TMTC1: variants seen among roughly 807,000 people sequenced by gnomAD.
TMTC1 encodes the protein transmembrane O-mannosyltransferase targeting cadherins 1, also known as protein O-mannosyl-transferase TMTC1.
In TMTC1, 73 loss-of-function variants were observed where a neutral mutation model predicts 104.8. That is an observed-to-expected ratio of 0.70 (90% CI 0.58 to 0.85). The LOEUF is 0.85. Ranked by LOEUF, TMTC1 falls within the 40% of genes least tolerant of loss-of-function variation. The pLI is 0.00. For synonymous variants in TMTC1, 434 were observed against 428.7 expected (o/e 1.01, Z -0.15); for missense variants, 1,035 against 1,096.1 (o/e 0.94, Z 0.79).
intron 5 of TMTC1, among the ~76,000 whole-genome samples, chr12:29,730,007 C>G (rs570814438): frequency 7.8e-4 from 119 of 152,126 alleles, no homozygotes; most frequent in Non-Finnish European, 1.4e-3. Context: ...CAAGAGCCTG[C>G]TGATTACATA....
At chr12:29,635,234 C>T (rs963095703) in intron 5 of TMTC1, among the ~76,000 whole-genome samples, 13 of 151,788 alleles carry the variant, frequency 8.6e-5, no homozygotes, top group African/African-American at 2.7e-4. Flanking sequence ...CTTGGGCCTG[C>T]GACATTGTCA....
chr12:29,680,541 T>C (rs1036111471), intron 5 of TMTC1, among the ~76,000 whole-genome samples: 1 of 152,234 alleles, frequency 6.6e-6, no homozygotes, highest in Non-Finnish European at 1.5e-5. Flanking sequence ...CAGATGAAGA[T>C]AGAATGCCAA....
At chr12:29,764,386 A>G (rs1001130185) in intron 2 of TMTC1, among the ~76,000 whole-genome samples, 8 of 152,156 alleles carry the variant, frequency 5.3e-5, no homozygotes, top group African/African-American at 1.9e-4. Context: ...AGTTCCATTA[A>G]TGTCATAGCT....
At chr12:29,513,180 A>G (rs1206119749) in intron 16 of TMTC1, among the ~76,000 whole-genome samples, 1 of 152,176 alleles carries the variant, frequency 6.6e-6, no homozygotes, top group African/African-American at 2.4e-5. Context: ...TATGACCTTT[A>G]AGCCTGAGTT....
intron 6 of TMTC1, among the ~76,000 whole-genome samples, chr12:29,614,842 CAG>C (rs1946936477): frequency 6.6e-6 from 1 of 152,110 alleles, no homozygotes; most frequent in South Asian, 2.1e-4. Context: ...GACAAAGAAA[CAG>C]AGAACAAACT....
intron 5 of TMTC1, among the ~76,000 whole-genome samples, chr12:29,695,056 T>A (rs1179381156): frequency 6.6e-6 from 1 of 152,168 alleles, no homozygotes; most frequent in Non-Finnish European, 1.5e-5. Flanking sequence ...GCCCTAGGAA[T>A]CCCTCTTTGC....
At chr12:29,695,937 C>T (rs1470314124) in intron 5 of TMTC1, among the ~76,000 whole-genome samples, 4 of 151,266 alleles carry the variant, frequency 2.6e-5, no homozygotes, top group Non-Finnish European at 5.9e-5. Context: ...ATACAATTCA[C>T]TGAAGCATGA....
At chr12:29,588,220 G>C (rs536985653) in intron 7 of TMTC1, among the ~76,000 whole-genome samples, 3 of 152,304 alleles carry the variant, frequency 2.0e-5, no homozygotes, top group Non-Finnish European at 4.4e-5. Flanking sequence ...TCTTGCAAGA[G>C]CCTTGCACTT....
intron 7 of TMTC1, among the ~76,000 whole-genome samples, chr12:29,586,201 A>G (rs867211956): frequency 3.5e-4 from 54 of 152,262 alleles, no homozygotes; most frequent in African/African-American, 1.3e-3. Context: ...CTTTGAAGCA[A>G]TTGTGAATGG....
rs1471646565 is a variant in TMTC1, at chr12:29,520,681, T to C, written c.1825A>G (p.Ile609Val). The C allele has an allele frequency of 2.5e-6, 4 of 1,613,470 alleles. No individual in the cohort carries two copies. The highest frequency in any genetic ancestry group is 2.5e-6 in the Non-Finnish European group (3 of 1,179,902). Residue 609 changes from isoleucine (I) to valine (V), a missense_variant, in exon 12 of 18, where the codon ATA (isoleucine) becomes GTA (valine). Transcript: ENST00000539277. ...KEAEEIYQTG[I>V]KNCPDSSDLH... ...TCTGAGCTGTCTGGACAGTTCTTTA[T>C]TCCAGTTTGGTATATTTCTTCAGCT... is the stretch of plus-strand genomic sequence containing the variant.
At chr12:29,601,028 G>A (rs75553959) in intron 7 of TMTC1, among the ~76,000 whole-genome samples, 7,184 of 152,236 alleles carry the variant, frequency 0.047, 583 homozygotes, top group African/African-American at 0.16. Flanking sequence ...GGTTGGTTCC[G>A]GGAGGCAGGC....
chr12:29,730,288 C>A (rs1942512833), intron 5 of TMTC1, among the ~76,000 whole-genome samples: 1 of 152,218 alleles, frequency 6.6e-6, no homozygotes, highest in African/African-American at 2.4e-5. Context: ...CAAAGAACTA[C>A]ACCACAGGTG....
intron 6 of TMTC1, among the ~76,000 whole-genome samples, chr12:29,613,325 C>T (rs1946894527): frequency 6.6e-6 from 1 of 152,182 alleles, no homozygotes; most frequent in Non-Finnish European, 1.5e-5. Context: ...GCCTGAGGTG[C>T]ACTAGATGGG....
At chr12:29,605,936 C>G (rs1482418488) in intron 6 of TMTC1, among the ~76,000 whole-genome samples, 1 of 152,112 alleles carries the variant, frequency 6.6e-6, no homozygotes, top group East Asian at 1.9e-4. Flanking sequence ...AGGTTTAGCT[C>G]CCACTTATAA....
At chr12:29,560,056 ATC>A (rs1270058979) in intron 9 of TMTC1, among the ~76,000 whole-genome samples, 3 of 152,356 alleles carry the variant, frequency 2.0e-5, no homozygotes, top group Non-Finnish European at 4.4e-5. Context: ...GCCTAATTCA[ATC>A]CTGATCTCTC....
chr12:29,651,262 G>A (rs1394595125), intron 5 of TMTC1, among the ~76,000 whole-genome samples: 1 of 152,184 alleles, frequency 6.6e-6, no homozygotes, highest in African/African-American at 2.4e-5. Context: ...ATCATTTAGA[G>A]ATATAGTATG....
chr12:29,753,550 T>C (rs1222769812), intron 4 of TMTC1, among the ~76,000 whole-genome samples: 2 of 152,242 alleles, frequency 1.3e-5, no homozygotes, highest in African/African-American at 4.8e-5. Flanking sequence ...ATAAAGATTG[T>C]TGCAAGCAAA....
intron 3 of TMTC1, 84 bp downstream of exon 3, chr12:29,758,620 T>C (rs1943270613): frequency 7.6e-7 from 1 of 1,315,614 alleles, no homozygotes; most frequent in African/African-American, 1.4e-5. Flanking sequence ...AACCAGAAGC[T>C]TCTCTCCTCT....
intron 1 of TMTC1, among the ~76,000 whole-genome samples, chr12:29,782,443 G>C (rs564121289): frequency 2.8e-4 from 38 of 133,690 alleles, no homozygotes; most frequent in South Asian, 1.8e-3. Flanking sequence ...CATAAACACG[G>C]GTTCCTATTA....
Sources: gnomAD v4.1 joint callset for allele counts (sites outside exome capture counted in the v4.1 genomes callset) on GRCh38, gnomAD v4.1.1 for gene constraint, MANE v1.5 for transcripts, NCBI Gene and HGNC (gene_info 2026-07-23, HGNC 2026-07-21) for gene names.